The following PRKG1 variants were observed in gnomAD, a reference collection of about 807,000 sequenced individuals.
The protein encoded by PRKG1 is cGMP-dependent protein kinase 1.
PRKG1 carries 35 observed loss-of-function variants against 88.1 expected under a neutral mutation model. The observed-to-expected ratio is 0.40, with a 90% confidence interval of 0.30 to 0.53. The LOEUF (loss-of-function observed/expected upper bound fraction) is 0.53, where lower values mean the gene tolerates loss of function less well. Among genes scored for constraint, PRKG1 ranks in the 20% least tolerant of loss-of-function variants. The pLI is 0.59. For missense variants in PRKG1, 540 were observed against 839.8 expected (o/e 0.64, Z 4.41); for synonymous variants, 303 against 292.5 (o/e 1.04, Z -0.37).
intron 3 of PRKG1, among the ~76,000 whole-genome samples, chr10:51,803,606 C>G (rs1375322221): frequency 6.6e-6 from 1 of 152,090 alleles, no homozygotes. Context: ...AACTGTGAAG[C>G]AGAGAAAATT....
At chr10:52,082,912 GTAA>G (rs1469235454) in intron 7 of PRKG1, among the ~76,000 whole-genome samples, 4 of 151,980 alleles carry the variant, frequency 2.6e-5, no homozygotes, top group African/African-American at 7.2e-5. Context: ...TTATTTTAGA[GTAA>G]TAATGATATT....
chr10:51,138,280 A>G lies in PRKG1; in HGVS notation c.312-14884A>G, dbSNP rs114105500. Among the ~76,000 whole-genome samples, 331 of 152,232 alleles carry G rather than the reference A, an allele frequency of 2.2e-3. 1 individual carries two copies. The highest frequency in any genetic ancestry group is 7.6e-3 in the African/African-American group (314 of 41,534). ...TCAAAACACTGTATTCAGCACAGAA[A>G]CCTTAATGATCCTCATGGTGCAGTC... On this transcript the variant is annotated intron_variant, in intron 1 of 17. Transcript: ENST00000373980.
intron 3 of PRKG1, among the ~76,000 whole-genome samples, chr10:51,516,220 G>T (rs562098251): frequency 6.6e-6 from 1 of 152,052 alleles, no homozygotes; most frequent in African/African-American, 2.4e-5. Flanking sequence ...AGGGAAGGTC[G>T]CTCTCCCCTG....
In PRKG1 at chr10:51,074,727, T is replaced by C. The variant is rs767414253; in HGVS notation, c.137T>C (p.Leu46Pro). ...DELIQKLQNE[L>P]DKYRSVIRPA... ...CTGATCCAGAAGCTGCAGAACGAGCTGGACAAGTACCGCTCGGTGATCCGA... is the reference window on the plus strand; with the variant it reads ...CTGATCCAGAAGCTGCAGAACGAGCCGGACAAGTACCGCTCGGTGATCCGA... Residue 46 changes from leucine (L) to proline (P), a missense_variant, in exon 1 of 18, where the codon CTG becomes CCG. Leu to Pro is a moderately conservative substitution (Grantham distance 98, BLOSUM62 -3). This residue lies in a region of PRKG1 where 400 missense variants were observed against 562.7 expected (regional missense o/e 0.71). Coordinates refer to ENST00000373980, the MANE Select transcript of PRKG1 (RefSeq NM_006258.4). 2 of 1,614,100 alleles carry C rather than the reference T, an allele frequency of 1.2e-6. No homozygotes were observed. Among genetic ancestry groups the C allele is most frequent in the Non-Finnish European group, 1.7e-6 (2 of 1,179,974 alleles).
chr10:51,162,022 A>G (rs1846376423), intron 2 of PRKG1, among the ~76,000 whole-genome samples: 1 of 152,230 alleles, frequency 6.6e-6, no homozygotes, highest in African/African-American at 2.4e-5. Flanking sequence ...TCATTTTAAA[A>G]AACACATAGA....
chr10:51,330,105 TTTTATTTA>T (rs142962238), intron 2 of PRKG1, among the ~76,000 whole-genome samples: 29,931 of 130,172 alleles, frequency 0.23, 3,353 homozygotes, highest in Non-Finnish European at 0.26. Context: ...ACATTTGCTC[TTTTATTTA>T]TTTATTTATT....
intron 3 of PRKG1, among the ~76,000 whole-genome samples, chr10:51,524,171 T>C (rs531924792): frequency 6.6e-6 from 1 of 152,318 alleles, no homozygotes; most frequent in South Asian, 2.1e-4. Flanking sequence ...CCTCAGAAGC[T>C]GAGGCTGTCA....
At chr10:51,447,461 G>A (rs1839307642) in intron 2 of PRKG1, among the ~76,000 whole-genome samples, 1 of 152,004 alleles carries the variant, frequency 6.6e-6, no homozygotes, top group Non-Finnish European at 1.5e-5. Flanking sequence ...ATAAGAAAGA[G>A]TTCTAATGGC....
chr10:51,191,549 T>A (rs1454048518), intron 2 of PRKG1, among the ~76,000 whole-genome samples: 2 of 151,882 alleles, frequency 1.3e-5, no homozygotes, highest in Non-Finnish European at 1.5e-5. Context: ...GTCAAAGTAA[T>A]ATGGTGATGA....
chr10:52,221,608 A>G (rs928113307), intron 9 of PRKG1, among the ~76,000 whole-genome samples: 2 of 152,188 alleles, frequency 1.3e-5, no homozygotes, highest in Non-Finnish European at 2.9e-5. Context: ...ATTTTAAAGT[A>G]ATCCAAGAAT....
At chr10:51,732,976 C>T (rs61370904) in intron 3 of PRKG1, among the ~76,000 whole-genome samples, 2,180 of 152,098 alleles carry the variant, frequency 0.014, 58 homozygotes, top group African/African-American at 0.05. Flanking sequence ...GGATCTCTTT[C>T]TGGTTTGCAG....
chr10:51,377,067 T>G (rs570715434), intron 2 of PRKG1, among the ~76,000 whole-genome samples: 1 of 152,204 alleles, frequency 6.6e-6, no homozygotes, highest in Non-Finnish European at 1.5e-5. Flanking sequence ...ACACTTAATG[T>G]TATAACCTGT....
chr10:51,218,951 A>G, intron 2 of PRKG1, among the ~76,000 whole-genome samples: 1 of 152,162 alleles, frequency 6.6e-6, no homozygotes. Context: ...CTTTGTAGTC[A>G]CTTTACCTTG....
chr10:52,010,610 A>T (rs912570869), intron 5 of PRKG1, among the ~76,000 whole-genome samples: 2 of 152,178 alleles, frequency 1.3e-5, no homozygotes, highest in Non-Finnish European at 2.9e-5. Flanking sequence ...CTGAATGTAA[A>T]ATAAAAGTTA....
chr10:51,152,886 C>T lies in PRKG1; in HGVS notation c.312-278C>T, dbSNP rs185757884. On this transcript the variant is annotated intron_variant, in intron 1 of 17. Transcript: ENST00000373980. ...TTTGTGATTAAGAAAAAGTCTAAAG[C>T]AAAATGGACTTGTATGATTTTGTTG... 3.8e-3 allele frequency among the ~76,000 whole-genome samples: 573 copies of T among 150,564 alleles called. 1 individual carries two copies. Among genetic ancestry groups the T allele is most frequent in the Non-Finnish European group, 5.1e-3 (346 of 67,756 alleles).
intron 5 of PRKG1, among the ~76,000 whole-genome samples, chr10:52,010,996 A>G (rs1054812371): frequency 6.6e-6 from 1 of 152,204 alleles, no homozygotes; most frequent in Non-Finnish European, 1.5e-5. Flanking sequence ...ACTTGATTCA[A>G]GCATGAAAAT....
At position 51,115,386 on chromosome 10, in the gene PRKG1, A is replaced by ATATAT. The variant is rs1465710988; in HGVS notation, c.312-37778_312-37777insTATAT. ...GTTCCTTTAAACATATATATATATA[A>ATATAT]AACAAATGTGAAAGGGGGAGAGACA... On this transcript the variant is annotated intron_variant, in intron 1 of 17. Transcript: ENST00000373980. Among the ~76,000 whole-genome samples, 19 of 70,438 alleles carry ATATAT rather than the reference A, an allele frequency of 2.7e-4. 1 individual carries two copies. Among genetic ancestry groups the ATATAT allele is most frequent in the South Asian group, 1.7e-3 (2 of 1,166 alleles). The allele number at this position is 70,438 out of a possible 152,430, so 46.2% of individuals were successfully genotyped here.
intron 3 of PRKG1, among the ~76,000 whole-genome samples, chr10:51,711,405 G>C (rs969663932): frequency 1.3e-5 from 2 of 152,094 alleles, no homozygotes; most frequent in Admixed American, 6.6e-5. Context: ...CGCCTGGCCT[G>C]ACCTTTCTTT....
intron 4 of PRKG1, among the ~76,000 whole-genome samples, chr10:51,808,506 C>T (rs886524622): frequency 3.3e-4 from 50 of 151,876 alleles, no homozygotes; most frequent in Admixed American, 1.8e-3. Flanking sequence ...AGGAGGCTGA[C>T]GGGGGAGGAT....
Sources: allele counts gnomAD v4.1 joint callset (sites outside exome capture counted in the v4.1 genomes callset), GRCh38; gene constraint gnomAD v4.1.1; regional missense constraint gnomAD v4.1.1; transcripts MANE v1.5; gene names NCBI Gene and HGNC (gene_info 2026-07-23, HGNC 2026-07-21).